The following CACNG5 variants were observed in gnomAD, a reference collection of about 807,000 sequenced individuals.
CACNG5 encodes the protein calcium voltage-gated channel auxiliary subunit gamma 5.
CACNG5 carries 18 observed loss-of-function variants against 24.8 expected under a neutral mutation model. The ratio of observed to expected loss-of-function variants is 0.73; its 90% CI spans 0.50 to 1.08. The LOEUF is 1.08. CACNG5 is among the 50% of genes least tolerant of loss of function. The pLI, the probability that CACNG5 is intolerant of heterozygous loss-of-function variation, is 0.00. For missense variants in CACNG5, 349 were observed against 367.9 expected (o/e 0.95, Z 0.42); for synonymous variants, 157 against 149.1 (o/e 1.05, Z -0.39).
At position 66,890,050 on chromosome 17, in the gene CACNG5, T is replaced by C. The variant is rs547879736; in HGVS notation, c.*4810T>C. ...ATTGGCAGCTCTCCAAGTCTTGACT[T>C]TCTCCCCACACTCAGTGAACCACTT... On this transcript the variant is annotated 3_prime_UTR_variant, in exon 6 of 6. Transcript: ENST00000533854. Among the ~76,000 whole-genome samples, 80 of 152,332 alleles carry C rather than the reference T, an allele frequency of 5.3e-4. No homozygotes were observed. The highest frequency in any genetic ancestry group is 1.8e-3 in the African/African-American group (75 of 41,580).
At chr17:66,883,988 C>T (rs1053389113) in intron 4 of CACNG5, among the ~76,000 whole-genome samples, 8 of 151,992 alleles carry the variant, frequency 5.3e-5, no homozygotes, top group African/African-American at 9.7e-5. Context: ...CAAAATTAGC[C>T]GGGCATGGTG....
chr17:66,847,506 C>T lies in CACNG5; in HGVS notation c.-104+12256C>T, dbSNP rs1415946831. 3.3e-5 allele frequency among the ~76,000 whole-genome samples: 5 copies of T among 152,150 alleles called. No homozygotes were observed. In the East Asian group the frequency reaches 7.8e-4, roughly 24 times the overall value. ...TGCCCTTTATAAAACCATCAGATCT[C>T]GTGAGACTTACTATCACGAGAACGG... On this transcript the variant is annotated intron_variant, in intron 1 of 5. Transcript: ENST00000533854.
chr17:66,845,188 G>A (rs139234713), intron 1 of CACNG5, among the ~76,000 whole-genome samples: 5 of 152,058 alleles, frequency 3.3e-5, no homozygotes, highest in Non-Finnish European at 4.4e-5. Flanking sequence ...AAACTAACAC[G>A]GGAACAGAAA....
rs1193313343 is a variant in CACNG5 at position 66,889,067 on chromosome 17, TCTC to T, written c.*3830_*3832del. Among the ~76,000 whole-genome samples the T allele has an allele frequency of 2.0e-5, 3 of 152,036 alleles. No individual in the cohort carries two copies. The highest frequency in any genetic ancestry group is 1.3e-4 in the Admixed American group (2 of 15,266). ...CCTCTGCTTCCTGGGCTCAAGCAATTCTCCTGCCTCAGCCTCCCAAGTAGCTGG... is the reference window on the plus strand; with the variant it reads ...CCTCTGCTTCCTGGGCTCAAGCAATTCTGCCTCAGCCTCCCAAGTAGCTGG... On this transcript the variant is annotated 3_prime_UTR_variant, in exon 6 of 6. Coordinates refer to ENST00000533854, the MANE Select transcript of CACNG5 (RefSeq NM_145811.3).
chr17:66,880,413 A>T, intron 3 of CACNG5, 144 bp from the exon 4 acceptor site: 1 of 903,056 alleles, frequency 1.1e-6, no homozygotes, highest in Non-Finnish European at 1.7e-6. Context: ...AGGCCACCTG[A>T]TGGGGGTAGA....
chr17:66,874,667 C>T (rs1449554046), intron 1 of CACNG5, among the ~76,000 whole-genome samples: 1 of 152,188 alleles, frequency 6.6e-6, no homozygotes, highest in African/African-American at 2.4e-5. Context: ...CACCTCCCAA[C>T]ACTACCACAT....
At chr17:66,875,972 T>C (rs1977072377) in intron 1 of CACNG5, among the ~76,000 whole-genome samples, 1 of 152,198 alleles carries the variant, frequency 6.6e-6, no homozygotes, top group Non-Finnish European at 1.5e-5. Flanking sequence ...TTCCCCATCA[T>C]AGCAGTTGCT....
chr17:66,837,591 G>A (rs1223264823), intron 1 of CACNG5, among the ~76,000 whole-genome samples: 1 of 152,174 alleles, frequency 6.6e-6, no homozygotes, highest in Non-Finnish European at 1.5e-5. Context: ...ATATCATCCT[G>A]TTCCCCCAAA....
chr17:66,870,691 A>ACT (rs1336558263), intron 1 of CACNG5, among the ~76,000 whole-genome samples: 2 of 152,158 alleles, frequency 1.3e-5, no homozygotes. Flanking sequence ...CTCAGAAGTC[A>ACT]CATAGCGCCA....
At chr17:66,871,928 G>T (rs945806373) in intron 1 of CACNG5, among the ~76,000 whole-genome samples, 1 of 152,192 alleles carries the variant, frequency 6.6e-6, no homozygotes, top group African/African-American at 2.4e-5. Flanking sequence ...GCCCTCAAAA[G>T]ATGACACTAC....
intron 4 of CACNG5, among the ~76,000 whole-genome samples, chr17:66,883,130 C>T (rs1208287097): frequency 6.6e-6 from 1 of 152,186 alleles, no homozygotes; most frequent in East Asian, 1.9e-4. Context: ...TTATTGAGCA[C>T]CAGGAATGTT....
rs770809783 is a variant in CACNG5 at position 66,888,543 on chromosome 17, CAAAAAAAAAAAAA to C, written c.*3314_*3326del. On this transcript the variant is annotated 3_prime_UTR_variant, in exon 6 of 6. Transcript: ENST00000533854. ...TGGGTGACAGAGCGAGACTCCGTCT[CAAAAAAAAAAAAA>C]AAAAAAAAAAGAGTTAAAGAAAGAG... 1.6e-5 allele frequency among the ~76,000 whole-genome samples: 1 copy of C among 62,638 alleles called. No individual in the cohort carries two copies. Among genetic ancestry groups the C allele is most frequent in the African/African-American group, 5.6e-5 (1 of 17,982 alleles). The allele number at this position is 62,638 out of a possible 152,430, so 41.1% of individuals were successfully genotyped here.
In CACNG5 at chr17:66,884,414, CT is replaced by C. The variant is rs1301474232; in HGVS notation, c.425-101del. The C allele has an allele frequency of 2.4e-6, 3 of 1,233,652 alleles. No individual in the cohort carries two copies. In the African/African-American group the frequency reaches 4.5e-5, roughly 19 times the overall value. 76.4% of individuals were successfully genotyped at this position (1,233,652 alleles called of 1,614,324 possible). Reference sequence around the variant, plus strand: ...CACTGAGAGCATTGTTACCCCAAGGCTGGTGGCTTTGCTCCTGAATTGCAAA... The same window carrying C: ...CACTGAGAGCATTGTTACCCCAAGGCGGTGGCTTTGCTCCTGAATTGCAAA... On this transcript the variant is annotated intron_variant, in intron 4 of 5. Coordinates refer to ENST00000533854, the MANE Select transcript of CACNG5 (RefSeq NM_145811.3).
chr17:66,856,564 CAG>C lies in CACNG5; in HGVS notation c.-103-20663_-103-20662del, dbSNP rs1976780305. ...CCCCGCCTTTTTTTTTTTTTTGAGA[CAG>C]AGTCTCGCTCTGTCGCCCAGGCTGG... On this transcript the variant is annotated intron_variant, in intron 1 of 5. Transcript: ENST00000533854. Among the ~76,000 whole-genome samples, 9 of 136,372 alleles carry C rather than the reference CAG, an allele frequency of 6.6e-5. No individual in the cohort carries two copies. The South Asian group carries it at 2.3e-3, about 35-fold the overall frequency. The allele number at this position is 136,372 out of a possible 152,430, so 89.5% of individuals were successfully genotyped here. A position where few individuals can be genotyped will look rare whatever the true frequency, so the allele number is the denominator to read the frequency against.
chr17:66,881,761 G>A (rs913462446), intron 4 of CACNG5, among the ~76,000 whole-genome samples: 5 of 151,746 alleles, frequency 3.3e-5, no homozygotes, highest in African/African-American at 1.2e-4. Context: ...CTACCAGGAG[G>A]AGGCAAACTA....
intron 1 of CACNG5, among the ~76,000 whole-genome samples, chr17:66,870,447 A>G (rs1976989892): frequency 1.3e-5 from 2 of 152,214 alleles, no homozygotes; most frequent in African/African-American, 2.4e-5. Context: ...CTAGAGTGCT[A>G]CCAACATCTG....
chr17:66,844,465 A>G (rs1446853666), intron 1 of CACNG5, among the ~76,000 whole-genome samples: 2 of 152,210 alleles, frequency 1.3e-5, no homozygotes, highest in African/African-American at 4.8e-5. Flanking sequence ...ATAAAATTAT[A>G]AAGGAGAAGA....
At chr17:66,852,528 T>G (rs1249201752) in intron 1 of CACNG5, among the ~76,000 whole-genome samples, 1 of 152,190 alleles carries the variant, frequency 6.6e-6, no homozygotes, top group Non-Finnish European at 1.5e-5. Context: ...TTTAAGAAAC[T>G]GAAAATTGCT....
At chr17:66,853,324 T>C (rs575628529) in intron 1 of CACNG5, among the ~76,000 whole-genome samples, 3 of 152,348 alleles carry the variant, frequency 2.0e-5, no homozygotes, top group African/African-American at 7.2e-5. Context: ...TAAGTCTTTA[T>C]GCAACCACAA....
Sources: gnomAD v4.1 joint callset for allele counts (sites outside exome capture counted in the v4.1 genomes callset) on GRCh38, gnomAD v4.1.1 for gene constraint, MANE v1.5 for transcripts, NCBI Gene and HGNC (gene_info 2026-07-23, HGNC 2026-07-21) for gene names.